ROR1: variants seen among roughly 807,000 people sequenced by gnomAD.
ROR1 encodes the protein ROR family WNT receptor 1.
ROR1 carries 19 observed loss-of-function variants against 78.8 expected under a neutral mutation model. The observed-to-expected ratio is 0.24, with a 90% CI of 0.17 to 0.35. The LOEUF is 0.35. Ranked by LOEUF, ROR1 falls within the 10% of genes least tolerant of loss-of-function variation. The probability of loss-of-function intolerance (pLI) is 1.00; values close to 1 mark genes in which losing one functional copy is unlikely to be tolerated. For synonymous variants in ROR1, 386 were observed against 433.6 expected (o/e 0.89, Z 1.36); for missense variants, 917 against 1,177.8 (o/e 0.78, Z 3.24).
intron 4 of ROR1, among the ~76,000 whole-genome samples, chr1:64,058,739 G>A (rs1176263618): frequency 6.6e-6 from 1 of 151,766 alleles, no homozygotes; most frequent in Non-Finnish European, 1.5e-5. Context: ...CAGCTTGCTG[G>A]TATTTTGTTG....
At chr1:64,093,769 T>C (rs1049856957) in intron 4 of ROR1, among the ~76,000 whole-genome samples, 10 of 152,152 alleles carry the variant, frequency 6.6e-5, no homozygotes, top group African/African-American at 2.4e-4. Context: ...GCAACACTTC[T>C]AAATCTGGTT....
intron 1 of ROR1, among the ~76,000 whole-genome samples, chr1:63,983,483 C>T (rs1053915597): frequency 1.3e-5 from 2 of 152,174 alleles, no homozygotes; most frequent in Non-Finnish European, 2.9e-5. Flanking sequence ...GGACTTTCCA[C>T]ACCTTTTCAG....
intron 4 of ROR1, among the ~76,000 whole-genome samples, chr1:64,071,451 G>A (rs1647002857): frequency 6.6e-6 from 1 of 152,078 alleles, no homozygotes; most frequent in South Asian, 2.1e-4. Flanking sequence ...AGGCAGGTGT[G>A]AAGGTTTAAA....
chr1:63,878,960 CAATT>C (rs938338885), intron 1 of ROR1, among the ~76,000 whole-genome samples: 1 of 151,920 alleles, frequency 6.6e-6, no homozygotes, highest in Non-Finnish European at 1.5e-5. Flanking sequence ...ATTAATTAAC[CAATT>C]AATTAATTTC....
chr1:64,056,354 A>ATTATTTAT lies in ROR1; in HGVS notation c.482+5654_482+5661dup, dbSNP rs55742208. 6.0e-3 allele frequency among the ~76,000 whole-genome samples: 896 copies of ATTATTTAT among 148,406 alleles called. 11 individuals carry two copies. The highest frequency in any genetic ancestry group is 0.019 in the African/African-American group (774 of 40,846). On this transcript the variant is annotated intron_variant, in intron 4 of 8. Transcript: ENST00000371079. ...CAACACTTATTTTCCTTATTTAAAA[A>ATTATTTAT]TTATTTATTTATTTATTTATTTAAA...
intron 7 of ROR1, among the ~76,000 whole-genome samples, chr1:64,153,841 T>C (rs371845718): frequency 6.6e-6 from 1 of 152,190 alleles, no homozygotes; most frequent in South Asian, 2.1e-4. Flanking sequence ...AGAATAAATA[T>C]ATGTAACATT....
intron 1 of ROR1, among the ~76,000 whole-genome samples, chr1:63,924,170 C>G (rs1349808662): frequency 1.3e-5 from 2 of 152,088 alleles, no homozygotes; most frequent in African/African-American, 4.8e-5. Context: ...ATTCTCTCCC[C>G]CAGTGACTTT....
chr1:64,041,924 T>G (rs1271353758), intron 2 of ROR1, among the ~76,000 whole-genome samples: 2 of 152,118 alleles, frequency 1.3e-5, no homozygotes, highest in Admixed American at 1.3e-4. Flanking sequence ...GTTTGGATAC[T>G]GGGGAGTGCA....
At chr1:64,021,580 G>C (rs1185832433) in intron 2 of ROR1, among the ~76,000 whole-genome samples, 1 of 152,188 alleles carries the variant, frequency 6.6e-6, no homozygotes, top group Non-Finnish European at 1.5e-5. Context: ...CAAGTTCAAG[G>C]TAAAGTGACG....
At chr1:64,047,347 C>T (rs1427457344) in intron 2 of ROR1, among the ~76,000 whole-genome samples, 3 of 152,202 alleles carry the variant, frequency 2.0e-5, no homozygotes, top group African/African-American at 7.2e-5. Flanking sequence ...CCAGATGTCA[C>T]TCACTTTCAT....
intron 2 of ROR1, among the ~76,000 whole-genome samples, chr1:64,018,108 A>G (rs1387768326): frequency 6.6e-6 from 1 of 152,020 alleles, no homozygotes; most frequent in African/African-American, 2.4e-5. Flanking sequence ...ACTTCCAGAA[A>G]CCTATGGACT....
intron 1 of ROR1, among the ~76,000 whole-genome samples, chr1:63,810,822 G>A (rs975955243): frequency 6.6e-6 from 1 of 152,196 alleles, no homozygotes; most frequent in African/African-American, 2.4e-5. Flanking sequence ...CAAATGGCCT[G>A]ATATGCTTGC....
chr1:64,136,176 A>T (rs990190782), intron 4 of ROR1, among the ~76,000 whole-genome samples: 2 of 152,170 alleles, frequency 1.3e-5, no homozygotes, highest in African/African-American at 4.8e-5. Flanking sequence ...TGACTTTCCC[A>T]TGTAGGGCAG....
intron 1 of ROR1, among the ~76,000 whole-genome samples, chr1:63,857,163 T>C (rs1216313688): frequency 6.6e-6 from 1 of 152,090 alleles, no homozygotes. Context: ...AGAAGTTTTT[T>C]TTTTTTTTTA....
In ROR1 at chr1:64,159,205, G is replaced by C. The variant is rs374877482; in HGVS notation, c.1386+13G>C. 1.1e-5 allele frequency: 18 copies of C among 1,590,060 alleles called. No homozygotes were observed. The African/African-American group carries it at 2.1e-4, about 19-fold the overall frequency. ...ATATAAACCCAAGGTAATGTTAGCA[G>C]TACAGAGCTACATTTGTTCCGTGGG... On this transcript the variant is annotated intron_variant, in intron 8 of 8. Coordinates refer to ENST00000371079, the MANE Select transcript of ROR1 (RefSeq NM_005012.4).
intron 4 of ROR1, among the ~76,000 whole-genome samples, chr1:64,111,585 G>A (rs1202134612): frequency 6.6e-6 from 1 of 152,198 alleles, no homozygotes; most frequent in African/African-American, 2.4e-5. Context: ...GATGTTTGCT[G>A]CCTTGGTACA....
chr1:63,856,380 G>T (rs1275698617), intron 1 of ROR1, among the ~76,000 whole-genome samples: 2 of 152,146 alleles, frequency 1.3e-5, no homozygotes, highest in Non-Finnish European at 2.9e-5. Flanking sequence ...GTGGCGTGGG[G>T]AATCATGAGG....
At chr1:64,108,656 C>T (rs1647941679) in intron 4 of ROR1, among the ~76,000 whole-genome samples, 1 of 151,546 alleles carries the variant, frequency 6.6e-6, no homozygotes, top group South Asian at 2.1e-4. Flanking sequence ...CATCACATAA[C>T]ACACACACAC....
At chr1:63,791,438 G>A (rs1486558031) in intron 1 of ROR1, among the ~76,000 whole-genome samples, 2 of 152,016 alleles carry the variant, frequency 1.3e-5, no homozygotes, top group African/African-American at 2.4e-5. Flanking sequence ...ATAATGTAGG[G>A]GTTTATTTGG....
Sources: gnomAD v4.1 joint callset for allele counts (sites outside exome capture counted in the v4.1 genomes callset) on GRCh38, gnomAD v4.1.1 for gene constraint, MANE v1.5 for transcripts, NCBI Gene and HGNC (gene_info 2026-07-23, HGNC 2026-07-21) for gene names.